Variants in IL1RAP observed in about 807,000 individuals in gnomAD.
The protein encoded by IL1RAP is interleukin-1 receptor accessory protein.
IL1RAP carries 35 observed loss-of-function variants against 60.7 expected under a neutral mutation model. The observed-to-expected ratio is 0.58, with a 90% CI of 0.44 to 0.76. IL1RAP has a LOEUF of 0.76. IL1RAP is among the 30% of genes least tolerant of loss of function. The pLI is 0.00. For missense variants in IL1RAP, 572 were observed against 693.9 expected (o/e 0.82, Z 1.97); for synonymous variants, 268 against 250.9 (o/e 1.07, Z -0.64).
At chr3:190,601,042 T>C (rs1483814648) in intron 3 of IL1RAP, among the ~76,000 whole-genome samples, 1 of 152,248 alleles carries the variant, frequency 6.6e-6, no homozygotes, top group Non-Finnish European at 1.5e-5. Context: ...TGGAGTGCAG[T>C]GGCACGATCT....
At chr3:190,591,049 G>T (rs1250502052) in intron 3 of IL1RAP, among the ~76,000 whole-genome samples, 1 of 152,026 alleles carries the variant, frequency 6.6e-6, no homozygotes, top group African/African-American at 2.4e-5. Flanking sequence ...CTCCCTTGTC[G>T]TCCAACACTC....
At chr3:190,593,935 T>C (rs1729165015) in intron 3 of IL1RAP, among the ~76,000 whole-genome samples, 1 of 152,214 alleles carries the variant, frequency 6.6e-6, no homozygotes, top group African/African-American at 2.4e-5. Context: ...TTTAAAATAA[T>C]TTGTCATTGA....
At chr3:190,638,167 G>A (rs1011400447) in intron 9 of IL1RAP, among the ~76,000 whole-genome samples, 2 of 151,900 alleles carry the variant, frequency 1.3e-5, no homozygotes, top group Admixed American at 6.6e-5. Context: ...ACCTATGAGT[G>A]GAATTACTGA....
intron 9 of IL1RAP, among the ~76,000 whole-genome samples, chr3:190,643,903 T>C (rs988081958): frequency 1.3e-5 from 2 of 152,218 alleles, no homozygotes; most frequent in African/African-American, 4.8e-5. Flanking sequence ...GATGGAATGA[T>C]AATTTTCAAA....
At chr3:190,588,663 C>A (rs2108703802) in intron 3 of IL1RAP, among the ~76,000 whole-genome samples, 1 of 152,274 alleles carries the variant, frequency 6.6e-6, no homozygotes, top group East Asian at 1.9e-4. Context: ...ATCTATTTTT[C>A]TAAATTTGAT....
chr3:190,658,671 A>T (rs1197374188), exon 12 of IL1RAP: 1 of 152,256 alleles, frequency 6.6e-6, no homozygotes, highest in Non-Finnish European at 1.5e-5. Flanking sequence ...AATGAGTGTC[A>T]GTGGCTCCCG....
chr3:190,647,428 C>T (rs146099960), intron 11 of IL1RAP, among the ~76,000 whole-genome samples: 171 of 152,340 alleles, frequency 1.1e-3, no homozygotes, highest in African/African-American at 4.0e-3. Flanking sequence ...CCTCGATAAG[C>T]AACTGTGAGG....
intron 2 of IL1RAP, among the ~76,000 whole-genome samples, chr3:190,560,039 A>G (rs1278507702): frequency 6.6e-6 from 1 of 152,214 alleles, no homozygotes; most frequent in South Asian, 2.1e-4. Context: ...TGTAAACTCC[A>G]CAAAAGACTG....
intron 3 of IL1RAP, among the ~76,000 whole-genome samples, chr3:190,582,728 A>T (rs1728114334): frequency 6.6e-6 from 1 of 152,196 alleles, no homozygotes; most frequent in Non-Finnish European, 1.5e-5. Flanking sequence ...CAAATTGTAA[A>T]TTAAATCAGG....
chr3:190,604,720 C>T (rs960393192), intron 4 of IL1RAP, among the ~76,000 whole-genome samples: 4 of 152,096 alleles, frequency 2.6e-5, no homozygotes, highest in Non-Finnish European at 4.4e-5. Context: ...TTATGCCCCA[C>T]CTGGAGACAT....
At chr3:190,611,503 T>C (rs185503679) in intron 5 of IL1RAP, among the ~76,000 whole-genome samples, 1 of 152,242 alleles carries the variant, frequency 6.6e-6, no homozygotes, top group East Asian at 1.9e-4. Context: ...AAAAGAAACA[T>C]ATAAGACATT....
intron 1 of IL1RAP, among the ~76,000 whole-genome samples, chr3:190,527,281 T>C (rs1482178378): frequency 6.6e-6 from 1 of 152,226 alleles, no homozygotes; most frequent in Non-Finnish European, 1.5e-5. Flanking sequence ...AGTTTCATTA[T>C]CTCATTCAAT....
intron 3 of IL1RAP, among the ~76,000 whole-genome samples, chr3:190,597,912 A>C (rs1729522111): frequency 6.6e-6 from 1 of 152,198 alleles, no homozygotes. Flanking sequence ...AGGGCTATAA[A>C]GATTTTCAGG....
At chr3:190,620,750 G>A (rs535538920) in intron 6 of IL1RAP, among the ~76,000 whole-genome samples, 8 of 152,082 alleles carry the variant, frequency 5.3e-5, no homozygotes, top group South Asian at 2.1e-4. Flanking sequence ...GTTGAACAAG[G>A]TCCCTGTCTT....
chr3:190,567,733 T>TA (rs1187410927), intron 3 of IL1RAP, among the ~76,000 whole-genome samples: 2 of 152,208 alleles, frequency 1.3e-5, no homozygotes, highest in African/African-American at 4.8e-5. Context: ...GGTATATCCT[T>TA]ACACGCTTAT....
Position 190,634,707 on chromosome 3 carries a change from G to GTTTTTTTTTTTTTTTTT in IL1RAP, c.1051+5220_1051+5221insTTTTTTTTTTTTTTTTT, listed in dbSNP as rs1167445179. Among the ~76,000 whole-genome samples, 15 of 134,686 alleles carry GTTTTTTTTTTTTTTTTT rather than the reference G, an allele frequency of 1.1e-4. 1 individual carries two copies. The highest frequency in any genetic ancestry group is 4.2e-4 in the African/African-American group (14 of 33,676). 88.4% of individuals were successfully genotyped at this position (134,686 alleles called of 152,430 possible). A position where few individuals can be genotyped will look rare whatever the true frequency, so the allele number is the denominator to read the frequency against. Reference sequence around the variant, plus strand: ...TCATATAACTATCTGGGCCTGTTGTGTTTTTTTTTTTGTTGTTGTTTTTTT... The same window carrying GTTTTTTTTTTTTTTTTT: ...TCATATAACTATCTGGGCCTGTTGTGTTTTTTTTTTTTTTTTTTTTTTTTTTTTGTTGTTGTTTTTTT... On this transcript the variant is annotated intron_variant, in intron 9 of 11. Coordinates refer to ENST00000447382, the MANE Select transcript of IL1RAP (RefSeq NM_002182.4).
At position 190,621,066 on chromosome 3, in the gene IL1RAP, G is replaced by A. The variant is rs191044495; in HGVS notation, c.703+626G>A. On this transcript the variant is annotated intron_variant, in intron 6 of 11. Coordinates refer to ENST00000447382, the MANE Select transcript of IL1RAP (RefSeq NM_002182.4). ...AACTCCTAGCAAACCCAGAAATAGA[G>A]AAGTAGTGTCAGGATATATGGCTTT... Among the ~76,000 whole-genome samples the A allele has an allele frequency of 3.3e-5, 5 of 152,298 alleles. No homozygotes were observed. In the South Asian group the frequency reaches 1.0e-3, roughly 32 times the overall value.
At chr3:190,528,959 C>A (rs1472744665) in intron 1 of IL1RAP, among the ~76,000 whole-genome samples, 2 of 152,114 alleles carry the variant, frequency 1.3e-5, no homozygotes, top group African/African-American at 4.8e-5. Flanking sequence ...GACTGGGCAA[C>A]TGAAGGCCTA....
intron 3 of IL1RAP, among the ~76,000 whole-genome samples, chr3:190,596,017 GTGTAC>G (rs1729351037): frequency 6.6e-6 from 1 of 152,200 alleles, no homozygotes; most frequent in Non-Finnish European, 1.5e-5. Context: ...GATAGGCAGG[GTGTAC>G]ATGCAGAGAC....
Sources: allele counts gnomAD v4.1 joint callset (sites outside exome capture counted in the v4.1 genomes callset), GRCh38; gene constraint gnomAD v4.1.1; transcripts MANE v1.5; gene names NCBI Gene and HGNC (gene_info 2026-07-23, HGNC 2026-07-21).